ADAM22: variants seen among roughly 807,000 people sequenced by gnomAD.
The protein encoded by ADAM22 is ADAM metallopeptidase domain 22.
Under a neutral mutation model 144.6 loss-of-function variants are expected in ADAM22, and 65 were observed. That is an observed-to-expected ratio of 0.45 (90% CI 0.37 to 0.55). ADAM22 has a LOEUF of 0.55. Ranked by LOEUF, ADAM22 falls within the 20% of genes least tolerant of loss-of-function variation. The probability of loss-of-function intolerance (pLI) is 0.00; values close to 1 mark genes in which losing one functional copy is unlikely to be tolerated. For synonymous variants in ADAM22, 391 were observed against 412.6 expected (o/e 0.95, Z 0.63); for missense variants, 974 against 1,184.9 (o/e 0.82, Z 2.61).
chr7:88,014,189 T>C (rs1181537744), intron 3 of ADAM22, among the ~76,000 whole-genome samples: 1 of 152,146 alleles, frequency 6.6e-6, no homozygotes, highest in Non-Finnish European at 1.5e-5. Context: ...ATGAATAACA[T>C]GTAGCTGTAT....
intron 26 of ADAM22, among the ~76,000 whole-genome samples, chr7:88,174,183 T>C (rs912681653): frequency 1.3e-5 from 2 of 152,126 alleles, no homozygotes; most frequent in African/African-American, 4.8e-5. Flanking sequence ...TGAGAATGAG[T>C]CCTCAAGGTT....
intron 8 of ADAM22, 72 bp from the exon 9 acceptor site, chr7:88,128,529 TC>T (rs1830990837): frequency 8.2e-7 from 1 of 1,217,902 alleles, no homozygotes; most frequent in Admixed American, 1.8e-5. Context: ...GTCAGTTTCT[TC>T]CATATTTTTT....
intron 14 of ADAM22, among the ~76,000 whole-genome samples, chr7:88,137,521 A>T (rs192275854): frequency 1.3e-5 from 2 of 152,310 alleles, no homozygotes; most frequent in East Asian, 3.9e-4. Flanking sequence ...ATTAATTACC[A>T]ACTTCATTTG....
intron 23 of ADAM22, among the ~76,000 whole-genome samples, chr7:88,164,424 A>G (rs1299703354): frequency 6.6e-6 from 1 of 152,092 alleles, no homozygotes; most frequent in Non-Finnish European, 1.5e-5. Flanking sequence ...AATTATGCAT[A>G]ATTATATTTG....
At chr7:87,985,205 CG>C (rs1788170072) in intron 3 of ADAM22, among the ~76,000 whole-genome samples, 1 of 150,900 alleles carries the variant, frequency 6.6e-6, no homozygotes, top group South Asian at 2.1e-4. Flanking sequence ...CCCGGTTACT[CG>C]GGAGGCTGAG....
At chr7:88,098,584 T>C (rs568725408) in intron 4 of ADAM22, among the ~76,000 whole-genome samples, 1 of 152,272 alleles carries the variant, frequency 6.6e-6, no homozygotes, top group Admixed American at 6.5e-5. Context: ...GGTATAGACA[T>C]AGAGACACAG....
chr7:87,994,967 A>G (rs940685065), intron 3 of ADAM22, among the ~76,000 whole-genome samples: 4 of 152,012 alleles, frequency 2.6e-5, no homozygotes, highest in Non-Finnish European at 5.9e-5. Context: ...AGCTGGGAAT[A>G]CAGGCGCCTG....
chr7:88,136,744 C>T (rs1833077238), intron 14 of ADAM22, among the ~76,000 whole-genome samples: 1 of 151,706 alleles, frequency 6.6e-6, no homozygotes, highest in Non-Finnish European at 1.5e-5. Flanking sequence ...ATGGGCGCAC[C>T]AAAATCTCAC....
intron 3 of ADAM22, among the ~76,000 whole-genome samples, chr7:88,024,147 T>C (rs1450442701): frequency 6.6e-6 from 1 of 152,186 alleles, no homozygotes; most frequent in Non-Finnish European, 1.5e-5. Flanking sequence ...ACTGCTTCCA[T>C]AAACATGGAA....
chr7:88,113,691 AATAAATAAATAAATAT>A (rs1427732773), intron 5 of ADAM22, among the ~76,000 whole-genome samples: 1 of 56,958 alleles, frequency 1.8e-5, no homozygotes, highest in African/African-American at 8.5e-5. Context: ...ATATATTATA[AATAAATAAATAAATAT>A]ATATATATAT....
chr7:87,998,331 A>G (rs558343992), intron 3 of ADAM22, among the ~76,000 whole-genome samples: 3 of 152,174 alleles, frequency 2.0e-5, no homozygotes, highest in Non-Finnish European at 4.4e-5. Context: ...GACACTCAAT[A>G]TCACAGGGCT....
At chr7:87,939,223 A>G (rs1366528661) in intron 2 of ADAM22, among the ~76,000 whole-genome samples, 1 of 152,202 alleles carries the variant, frequency 6.6e-6, no homozygotes, top group Non-Finnish European at 1.5e-5. Flanking sequence ...GAATTGCTGC[A>G]TTAAAAGGAA....
intron 31 of ADAM22, 93 bp downstream of exon 31, chr7:88,193,332 C>A: frequency 7.3e-7 from 1 of 1,378,320 alleles, no homozygotes; most frequent in Admixed American, 2.9e-5. Flanking sequence ...TTTTTCCTCC[C>A]TTGTTCCTAA....
At chr7:88,078,911 G>A (rs1271285715) in intron 4 of ADAM22, among the ~76,000 whole-genome samples, 2 of 152,198 alleles carry the variant, frequency 1.3e-5, no homozygotes, top group Non-Finnish European at 1.5e-5. Flanking sequence ...GAACCAAGTT[G>A]CAAAACACTC....
At chr7:87,950,901 A>AT (rs1844909898) in intron 2 of ADAM22, among the ~76,000 whole-genome samples, 1 of 150,940 alleles carries the variant, frequency 6.6e-6, no homozygotes, top group Admixed American at 6.6e-5. Context: ...GATGATGAGC[A>AT]TTTTTTCATG....
intron 3 of ADAM22, among the ~76,000 whole-genome samples, chr7:88,075,280 T>C (rs888319894): frequency 1.3e-5 from 2 of 152,166 alleles, no homozygotes; most frequent in African/African-American, 4.8e-5. Flanking sequence ...CAATTAAAAC[T>C]GTTTGATAAA....
intron 4 of ADAM22, among the ~76,000 whole-genome samples, chr7:88,094,998 G>A (rs1820875470): frequency 6.6e-6 from 1 of 152,124 alleles, no homozygotes; most frequent in Admixed American, 6.6e-5. Flanking sequence ...TTCCTCCTCT[G>A]TTAAACAAGA....
At chr7:87,981,475 C>T (rs1853398384) in intron 3 of ADAM22, among the ~76,000 whole-genome samples, 1 of 151,984 alleles carries the variant, frequency 6.6e-6, no homozygotes, top group South Asian at 2.1e-4. Flanking sequence ...GGGAGGACAA[C>T]TAGGAACTGA....
intron 19 of ADAM22, 34 bp downstream of exon 19, chr7:88,151,065 A>C: frequency 2.5e-6 from 4 of 1,591,102 alleles, no homozygotes; most frequent in Non-Finnish European, 3.4e-6. Flanking sequence ...TGTTTTTCAC[A>C]TGTACCAGCA....
Sources: gnomAD v4.1 joint callset for allele counts (sites outside exome capture counted in the v4.1 genomes callset) on GRCh38, gnomAD v4.1.1 for gene constraint, MANE v1.5 for transcripts, NCBI Gene and HGNC (gene_info 2026-07-23, HGNC 2026-07-21) for gene names.